Variants in FRAS1 observed in about 807,000 individuals in gnomAD.
The protein encoded by FRAS1 is extracellular matrix organizing protein FRAS1.
In FRAS1, 290 loss-of-function variants were observed where a neutral mutation model predicts 435.2. The observed-to-expected ratio is 0.67, with a 90% CI of 0.61 to 0.73. The LOEUF is 0.73. FRAS1 is among the 30% of genes least tolerant of loss of function. The pLI is 0.00. For synonymous variants in FRAS1, 1,800 were observed against 1,851.0 expected, an observed-to-expected ratio of 0.97 and a Z score of 0.71; for missense variants, 4,860 against 5,001.5, an observed-to-expected ratio of 0.97 and a Z score of 0.85.
intron 67 of FRAS1, among the ~76,000 whole-genome samples, chr4:78,520,258 T>G (rs1331344569): frequency 2.7e-5 from 1 of 37,034 alleles, no homozygotes; most frequent in Non-Finnish European, 8.1e-5. Flanking sequence ...TTTTTCTTGT[T>G]TTTTTTTTTT....
intron 2 of FRAS1, among the ~76,000 whole-genome samples, chr4:78,126,168 G>A (rs979150919): frequency 6.6e-6 from 1 of 152,200 alleles, no homozygotes; most frequent in Non-Finnish European, 1.5e-5. Flanking sequence ...TGCTGCACTA[G>A]CAGTGAGCAA....
intron 16 of FRAS1, among the ~76,000 whole-genome samples, chr4:78,315,972 G>A (rs1025623367): frequency 6.6e-6 from 1 of 152,204 alleles, no homozygotes; most frequent in Admixed American, 6.5e-5. Context: ...ATCATCATTA[G>A]AGTTCATTTG....
At chr4:78,068,433 A>C (rs1740160644) in intron 2 of FRAS1, 1 of 444,626 alleles carries the variant, frequency 2.2e-6, no homozygotes, top group South Asian at 1.6e-5. Flanking sequence ...GTAAAGTCTG[A>C]AGCAAGAGCT....
rs1434472105 is a variant in FRAS1 at position 78,265,087 on chromosome 4, T to C, written c.666T>C (p.Ser222=). ...CGCAGTGCTCTGCAAGATCCTGCTC[T>C]GCAGCTGGCCAAGTATACGAGGTAA... ...CCPQCSARSC[S]AAGQVYEHGE... is the part of the protein sequence containing the mutation. The change falls in exon 7 of 74, where the codon TCT becomes TCC. Residue 222 remains serine, a synonymous_variant. Coordinates refer to ENST00000512123, the MANE Select transcript of FRAS1 (RefSeq NM_025074.7). 6.2e-7 allele frequency: 1 copy of C among 1,613,074 alleles called. No individual in the cohort carries two copies. The highest frequency in any genetic ancestry group is 8.5e-7 in the Non-Finnish European group (1 of 1,179,452).
intron 13 of FRAS1, among the ~76,000 whole-genome samples, chr4:78,285,006 C>T (rs1727514262): frequency 6.6e-6 from 1 of 152,140 alleles, no homozygotes; most frequent in South Asian, 2.1e-4. Context: ...AATTAACCAA[C>T]TTGCTCAATA....
At chr4:78,473,414 C>T (rs1191768736) in intron 52 of FRAS1, 24 bp from the exon 53 acceptor site, 1 of 1,601,784 alleles carries the variant, frequency 6.2e-7, no homozygotes, top group African/African-American at 1.3e-5. Flanking sequence ...TGGGTTAATT[C>T]ACAGTGAGTC....
chr4:78,094,254 T>C (rs17418634), intron 2 of FRAS1, among the ~76,000 whole-genome samples: 3,924 of 151,990 alleles, frequency 0.026, 73 homozygotes, highest in Non-Finnish European at 0.041. Context: ...GTGAGGTCAA[T>C]GGATTTCGGA....
chr4:78,129,626 C>T (rs557016889), intron 2 of FRAS1, among the ~76,000 whole-genome samples: 29 of 152,170 alleles, frequency 1.9e-4, no homozygotes, highest in African/African-American at 6.5e-4. Flanking sequence ...TAGCTGAGGG[C>T]CAGCTTGAGT....
intron 22 of FRAS1, among the ~76,000 whole-genome samples, chr4:78,364,526 A>T (rs1731191784): frequency 1.3e-5 from 2 of 152,174 alleles, no homozygotes; most frequent in Admixed American, 6.5e-5. Context: ...GCATGCTGGA[A>T]ATATTCCATT....
chr4:78,310,231 C>T (rs972611856), intron 15 of FRAS1, among the ~76,000 whole-genome samples: 5 of 152,144 alleles, frequency 3.3e-5, no homozygotes, highest in Admixed American at 1.3e-4. Flanking sequence ...CTCTAAAGGT[C>T]GACAGATGTC....
chr4:78,257,554 A>T (rs1455180864), intron 6 of FRAS1, among the ~76,000 whole-genome samples: 1 of 152,106 alleles, frequency 6.6e-6, no homozygotes, highest in Non-Finnish European at 1.5e-5. Flanking sequence ...TTTTATTTTT[A>T]TTTTTTAAGT....
chr4:78,207,896 G>A (rs1723329868), intron 2 of FRAS1, among the ~76,000 whole-genome samples: 1 of 152,194 alleles, frequency 6.6e-6, no homozygotes, highest in South Asian at 2.1e-4. Context: ...GCAGACGGCA[G>A]GCAGGACTAG....
Position 78,489,216 on chromosome 4 carries a change from T to C in FRAS1, c.8958+136T>C, listed in dbSNP as rs1011282337. 2.3e-5 allele frequency: 17 copies of C among 738,054 alleles called. No homozygotes were observed. In the Admixed American group the frequency reaches 4.0e-4, roughly 17 times the overall value. The allele number at this position is 738,054 out of a possible 1,614,324, so 45.7% of individuals were successfully genotyped here. A position where few individuals can be genotyped will look rare whatever the true frequency, so the allele number is the denominator to read the frequency against. On this transcript the variant is annotated intron_variant, in intron 59 of 73. Transcript: ENST00000512123. ...GGTGACCCTTGAACAATGCAGGGGA[T>C]AGGGGTGCCAACTCCCCACACAGTT...
chr4:78,145,808 G>A (rs1319457322), intron 2 of FRAS1, among the ~76,000 whole-genome samples: 1 of 152,136 alleles, frequency 6.6e-6, no homozygotes, highest in East Asian at 1.9e-4. Flanking sequence ...GCACCCAGTG[G>A]GAGGTCACTG....
chr4:78,201,561 G>A (rs1723049221), intron 2 of FRAS1, among the ~76,000 whole-genome samples: 1 of 152,166 alleles, frequency 6.6e-6, no homozygotes. Context: ...ATTCTCAGAG[G>A]TTTATAAGGG....
At chr4:78,487,959 A>G (rs1305205822) in intron 58 of FRAS1, among the ~76,000 whole-genome samples, 1 of 152,140 alleles carries the variant, frequency 6.6e-6, no homozygotes, top group African/African-American at 2.4e-5. Context: ...TCTCATCCTT[A>G]AGTCAAAGGA....
intron 58 of FRAS1, among the ~76,000 whole-genome samples, chr4:78,484,350 G>A (rs1372938940): frequency 1.3e-5 from 2 of 152,132 alleles, no homozygotes; most frequent in East Asian, 3.8e-4. Context: ...TTTCCTACTT[G>A]TATTGCATTG....
rs1241633967 is a variant in FRAS1, at chr4:78,318,954, A to G, written c.2105A>G (p.His702Arg). The G allele has an allele frequency of 6.2e-7, 1 of 1,613,712 alleles. No homozygotes were observed. Among genetic ancestry groups the G allele is most frequent in the East Asian group, 2.2e-5 (1 of 44,858 alleles). ...GAGTGTCTAGCCCAGTGTAGAGCCC[A>G]TTTTTACTTGGAGAGCACTGGCATA... The part of the protein sequence containing the change: ...SGECLAQCRA[H>R]FYLESTGICE... The change falls in exon 18 of 74, where the codon CAT (histidine) becomes CGT (arginine). Residue 702 changes from histidine (H) to arginine (R), a missense_variant. By Grantham distance (29) the His-to-Arg change is conservative. Transcript: ENST00000512123.
At chr4:78,450,773 G>A (rs544882933) in intron 45 of FRAS1, among the ~76,000 whole-genome samples, 26 of 152,238 alleles carry the variant, frequency 1.7e-4, no homozygotes, top group African/African-American at 6.3e-4. Context: ...GGCATAAATC[G>A]GAGCTGCCTA....
Sources: allele counts gnomAD v4.1 joint callset (sites outside exome capture counted in the v4.1 genomes callset), GRCh38; gene constraint gnomAD v4.1.1; transcripts MANE v1.5; gene names NCBI Gene and HGNC (gene_info 2026-07-23, HGNC 2026-07-21).